Variants in CSNK1A1 observed in about 807,000 individuals in gnomAD.
CSNK1A1 encodes casein kinase 1 alpha 1, also known as casein kinase I isoform alpha.
A neutral mutation model predicts 46.1 loss-of-function variants in CSNK1A1; 7 were observed. That is an observed-to-expected ratio of 0.15 (90% CI 0.09 to 0.29). The LOEUF (loss-of-function observed/expected upper bound fraction) is 0.29. Among genes scored for constraint, CSNK1A1 ranks in the 10% least tolerant of loss-of-function variants. The probability of loss-of-function intolerance (pLI) is 1.00; values close to 1 mark genes in which losing one functional copy is unlikely to be tolerated. For synonymous variants in CSNK1A1, 137 were observed against 141.5 expected, an observed-to-expected ratio of 0.97 and a Z score of 0.23; for missense variants, 96 against 417.1, an observed-to-expected ratio of 0.23 and a Z score of 6.71.
At chr5:149,498,096 T>C in intron 9 of CSNK1A1, 2 of 981,872 alleles carry the variant, frequency 2.0e-6, no homozygotes, top group Non-Finnish European at 2.4e-6. Context: ...CCTCCCAAAG[T>C]GTGGGGGTTA....
chr5:149,512,446 C>T (rs969876547), intron 5 of CSNK1A1, among the ~76,000 whole-genome samples: 4 of 152,062 alleles, frequency 2.6e-5, no homozygotes, highest in Non-Finnish European at 5.9e-5. Flanking sequence ...GTTCTTTAAC[C>T]TGGAGGCATA....
chr5:149,515,156 C>CT (rs371419405), intron 4 of CSNK1A1, among the ~76,000 whole-genome samples: 7 of 152,136 alleles, frequency 4.6e-5, no homozygotes, highest in African/African-American at 1.7e-4. Context: ...AAAAATATCT[C>CT]TAAGAAATAT....
intron 9 of CSNK1A1, chr5:149,497,593 CTT>C: frequency 1.0e-6 from 1 of 985,486 alleles, no homozygotes; most frequent in Middle Eastern, 5.2e-4. Flanking sequence ...CATAACCACA[CTT>C]TATCTACAGC....
Position 149,545,777 on chromosome 5 carries a change from G to A in CSNK1A1, c.230+4298C>T, listed in dbSNP as rs1762460673. On this transcript the variant is annotated intron_variant, in intron 2 of 9. Coordinates refer to ENST00000377843, the MANE Select transcript of CSNK1A1 (RefSeq NM_001892.6). The stretch of plus-strand genomic sequence containing the variant: ...CCATTTTCAGGACTGGTTGTGTGTG[G>A]TGTGGTTCGTGGACTTGGCCATGTC... 8 of 610,640 alleles carry A rather than the reference G, an allele frequency of 1.3e-5. No homozygotes were observed. The Admixed American group carries it at 1.7e-4, about 13-fold the overall frequency. 37.8% of individuals were successfully genotyped at this position (610,640 alleles called of 1,614,324 possible). A position where few individuals can be genotyped will look rare whatever the true frequency, so the allele number is the denominator to read the frequency against.
chr5:149,505,606 T>C lies in CSNK1A1; in HGVS notation c.858-11A>G, dbSNP rs1760996046. On this transcript the variant is annotated splice_polypyrimidine_tract_variant and intron_variant, in intron 8 of 9. Transcript: ENST00000377843. ...TGATGGTTCAGGGTCCTGGAACACA[T>C]AAAATATTTTATGTTAATCCTTTAA... 1 of 1,606,286 alleles carries C rather than the reference T, an allele frequency of 6.2e-7. No homozygotes were observed. Among genetic ancestry groups the C allele is most frequent in the African/African-American group, 1.3e-5 (1 of 74,752 alleles).
intron 2 of CSNK1A1, among the ~76,000 whole-genome samples, chr5:149,527,358 C>T (rs1357647020): frequency 6.6e-6 from 1 of 152,138 alleles, no homozygotes; most frequent in Non-Finnish European, 1.5e-5. Flanking sequence ...GAATTCCTGA[C>T]CTCAGCTGAT....
At chr5:149,499,417 T>C (rs1760753991) in intron 9 of CSNK1A1, 1 of 238,768 alleles carries the variant, frequency 4.2e-6, no homozygotes, top group African/African-American at 2.3e-5. Context: ...TATTTTTATA[T>C]AACTAACAAG....
chr5:149,516,639 T>C (rs1391142369), intron 4 of CSNK1A1, among the ~76,000 whole-genome samples: 1 of 152,166 alleles, frequency 6.6e-6, no homozygotes, highest in African/African-American at 2.4e-5. Flanking sequence ...AAGCAAAATA[T>C]GTGAATGGGT....
chr5:149,524,626 A>G (rs1761673887), intron 3 of CSNK1A1, among the ~76,000 whole-genome samples: 1 of 152,204 alleles, frequency 6.6e-6, no homozygotes, highest in African/African-American at 2.4e-5. Flanking sequence ...ATATTACTTC[A>G]GGACCTTTTT....
Position 149,542,692 on chromosome 5 carries a change from ATTTTT to A in CSNK1A1, c.230+7378_230+7382del, listed in dbSNP as rs869143376. ...TATATGTATATATATATATATATAT[ATTTTT>A]TTTTTTTTTTTTTTTTGAGACAGAG... On this transcript the variant is annotated intron_variant, in intron 2 of 9. Coordinates refer to ENST00000377843, the MANE Select transcript of CSNK1A1 (RefSeq NM_001892.6). Among the ~76,000 whole-genome samples, 21 of 16,188 alleles carry A rather than the reference ATTTTT, an allele frequency of 1.3e-3. 2 individuals carry two copies. The highest frequency in any genetic ancestry group is 4.7e-3 in the African/African-American group (19 of 4,026). The allele number at this position is 16,188 out of a possible 152,430, so 10.6% of individuals were successfully genotyped here. A position where few individuals can be genotyped will look rare whatever the true frequency, so the allele number is the denominator to read the frequency against.
At chr5:149,543,843 T>A (rs1762380024) in intron 2 of CSNK1A1, among the ~76,000 whole-genome samples, 1 of 151,884 alleles carries the variant, frequency 6.6e-6, no homozygotes, top group South Asian at 2.1e-4. Context: ...TGTGCTATTA[T>A]CATACTTCTG....
At chr5:149,504,062 T>TAA (rs1314009898) in intron 9 of CSNK1A1, 32 of 985,348 alleles carry the variant, frequency 3.2e-5, no homozygotes, top group Non-Finnish European at 3.9e-5. Flanking sequence ...TATGAACTTC[T>TAA]TGGCACTATG....
intron 9 of CSNK1A1, chr5:149,497,205 A>C (rs954534905): frequency 9.7e-7 from 1 of 1,031,124 alleles, no homozygotes; most frequent in Non-Finnish European, 1.2e-6. Context: ...ATCAATGAAA[A>C]ACAGATTGCT....
chr5:149,501,432 C>T, intron 9 of CSNK1A1: 2 of 985,438 alleles, frequency 2.0e-6, no homozygotes, highest in Non-Finnish European at 2.4e-6. Flanking sequence ...TTCCTAGCAG[C>T]AATTGGTGAA....
chr5:149,506,993 G>C (rs1335707638), intron 8 of CSNK1A1, 34 bp downstream of exon 8: 5 of 1,513,856 alleles, frequency 3.3e-6, no homozygotes, highest in Non-Finnish European at 4.5e-6. Flanking sequence ...TTCCCTCACA[G>C]AGTTTATAAT....
In CSNK1A1 at chr5:149,548,469, A is replaced by C. The variant is rs558929624; in HGVS notation, c.230+1606T>G. On this transcript the variant is annotated intron_variant, in intron 2 of 9. Transcript: ENST00000377843. ...GCAATTCCAGCTACTTGGGAGGCTG[A>C]GGCAGGAGGATCACTTGAACCTGGG... Among the ~76,000 whole-genome samples the C allele has an allele frequency of 3.8e-4, 58 of 152,250 alleles. No homozygotes were observed. The South Asian group carries it at 0.012, about 31-fold the overall frequency.
chr5:149,516,601 T>C (rs1252409602), intron 4 of CSNK1A1, among the ~76,000 whole-genome samples: 1 of 152,112 alleles, frequency 6.6e-6, no homozygotes, highest in Non-Finnish European at 1.5e-5. Context: ...ACTTTCTTTG[T>C]AAATTATTAA....
chr5:149,541,119 C>T (rs1368894015), intron 2 of CSNK1A1, among the ~76,000 whole-genome samples: 2 of 150,372 alleles, frequency 1.3e-5, no homozygotes, highest in Non-Finnish European at 3.0e-5. Flanking sequence ...CTAAAACATG[C>T]ATTAGTTTAT....
chr5:149,498,714 A>G, intron 9 of CSNK1A1: 1 of 984,850 alleles, frequency 1.0e-6, no homozygotes, highest in Non-Finnish European at 1.2e-6. Flanking sequence ...GCTGGGTTTT[A>G]TCATAGTTTT....
Sources: gnomAD v4.1 joint callset for allele counts (sites outside exome capture counted in the v4.1 genomes callset) on GRCh38, gnomAD v4.1.1 for gene constraint, MANE v1.5 for transcripts, NCBI Gene and HGNC (gene_info 2026-07-23, HGNC 2026-07-21) for gene names.